DYSF: variants seen among roughly 807,000 people sequenced by gnomAD.
DYSF encodes dysferlin.
DYSF carries 212 observed loss-of-function variants against 274.9 expected under a neutral mutation model. The ratio of observed to expected loss-of-function variants is 0.77; its 90% CI spans 0.69 to 0.86. The LOEUF (loss-of-function observed/expected upper bound fraction) is 0.86. Among genes scored for constraint, DYSF ranks in the 40% least tolerant of loss-of-function variants. DYSF has a pLI of 0.00. For synonymous variants in DYSF, 1,091 were observed against 1,078.7 expected (o/e 1.01, Z -0.22); for missense variants, 2,666 against 2,783.2 (o/e 0.96, Z 0.95).
intron 1 of DYSF, among the ~76,000 whole-genome samples, chr2:71,469,562 T>TATGG (rs1467278533): frequency 1.3e-5 from 2 of 152,198 alleles, no homozygotes; most frequent in African/African-American, 4.8e-5. Context: ...GCCTGAAATG[T>TATGG]ATGGGGCTGG....
intron 1 of DYSF, among the ~76,000 whole-genome samples, chr2:71,461,509 T>C (rs1476528965): frequency 1.3e-5 from 2 of 152,218 alleles, no homozygotes; most frequent in South Asian, 4.1e-4. Context: ...GCCTTGCCCT[T>C]TGGCCCGAGG....
At chr2:71,538,824 C>G (rs2089641874) in intron 16 of DYSF, among the ~76,000 whole-genome samples, 1 of 152,148 alleles carries the variant, frequency 6.6e-6, no homozygotes, top group African/African-American at 2.4e-5. Flanking sequence ...AGTCCCTGGC[C>G]CTGCCTCCTT....
At chr2:71,470,673 CAAAAAAAAAAAAA>C (rs776955310) in intron 1 of DYSF, among the ~76,000 whole-genome samples, 1 of 57,704 alleles carries the variant, frequency 1.7e-5, no homozygotes, top group African/African-American at 8.2e-5. Context: ...GACTCCATCT[CAAAAAAAAAAAAA>C]AAAAAAAGAA....
intron 3 of DYSF, among the ~76,000 whole-genome samples, chr2:71,492,477 A>G (rs1006696390): frequency 9.2e-5 from 14 of 152,192 alleles, no homozygotes; most frequent in Non-Finnish European, 1.5e-5. Context: ...CGCAATACAT[A>G]TATAGTTTTA....
intron 16 of DYSF, among the ~76,000 whole-genome samples, 199 bp from the exon 17 acceptor site, chr2:71,538,958 T>A (rs1438581620): frequency 6.6e-6 from 1 of 151,880 alleles, no homozygotes; most frequent in African/African-American, 2.4e-5. Flanking sequence ...TCTCAGAGAG[T>A]CTTGGGCAAA....
intron 53 of DYSF, among the ~76,000 whole-genome samples, chr2:71,679,806 A>G (rs1018798146): frequency 2.0e-5 from 3 of 152,240 alleles, no homozygotes; most frequent in Non-Finnish European, 2.9e-5. Context: ...GGTAACAATA[A>G]GAAATACTAG....
intron 4 of DYSF, among the ~76,000 whole-genome samples, chr2:71,510,891 G>A (rs955111788): frequency 3.9e-5 from 6 of 152,260 alleles, no homozygotes; most frequent in African/African-American, 1.4e-4. Context: ...GAACTGGAAT[G>A]TGGAGTCACG....
Position 71,635,520 on chromosome 2 carries a change from G to C in DYSF, c.4528-8445G>C, listed in dbSNP as rs540165316. Reference sequence around the variant, plus strand: ...CCCAGCACTTTGGGAGGCAGAGGCGGGTGGATCATGTGAGGCCAGGAGTTT... The same window carrying C: ...CCCAGCACTTTGGGAGGCAGAGGCGCGTGGATCATGTGAGGCCAGGAGTTT... On this transcript the variant is annotated intron_variant, in intron 41 of 55. Coordinates refer to ENST00000410020, the MANE Select transcript of DYSF (RefSeq NM_001130987.2). Among the ~76,000 whole-genome samples the C allele has an allele frequency of 2.0e-5, 3 of 152,278 alleles. No individual in the cohort carries two copies. In the South Asian group the frequency reaches 6.2e-4, roughly 32 times the overall value.
chr2:71,462,188 G>A (rs1373156590), upstream of DYSF, among the ~76,000 whole-genome samples: 3 of 152,222 alleles, frequency 2.0e-5, no homozygotes, highest in Non-Finnish European at 4.4e-5. Flanking sequence ...TGAACAGCAA[G>A]GGGTGTGTGA....
intron 13 of DYSF, 59 bp downstream of exon 13, chr2:71,526,405 T>TGGGTGGGG: frequency 5.4e-6 from 2 of 370,356 alleles, no homozygotes; most frequent in Non-Finnish European, 7.7e-6. Context: ...GCAGGGCTGG[T>TGGGTGGGG]GGGGGTGGGC....
In DYSF at chr2:71,664,259, C is replaced by T; in HGVS notation, c.5004-9C>T. ...GTTGGCTGACATCGGGAATCTGCCC[C>T]TCCTGCAGGATGTTCGAGCTGACCT... On this transcript the variant is annotated splice_polypyrimidine_tract_variant and intron_variant, in intron 45 of 55. Transcript: ENST00000410020. 1.2e-6 allele frequency: 2 copies of T among 1,613,970 alleles called. No homozygotes were observed. The highest frequency in any genetic ancestry group is 1.1e-5 in the South Asian group (1 of 91,058).
rs189672409 is a variant in DYSF, at chr2:71,659,081, A to C, written c.4911+48A>C. On this transcript the variant is annotated intron_variant, in intron 44 of 55. Coordinates refer to ENST00000410020, the MANE Select transcript of DYSF (RefSeq NM_001130987.2). ...CTCCCCCAGAGTAGCAGGCTCAGGT[A>C]CAAGTGGCCTATAGAACCTGGACAC... The C allele has an allele frequency of 1.1e-3, 1,804 of 1,613,008 alleles. 14 individuals carry two copies. The highest frequency in any genetic ancestry group is 7.0e-5 in the Non-Finnish European group (83 of 1,179,124).
At chr2:71,551,436 A>G (rs1289248744) in intron 18 of DYSF, among the ~76,000 whole-genome samples, 171 bp from the exon 19 acceptor site, 1 of 152,114 alleles carries the variant, frequency 6.6e-6, no homozygotes, top group Non-Finnish European at 1.5e-5. Context: ...GGCTTGTCAT[A>G]TCCCCCGAAC....
intron 32 of DYSF, among the ~76,000 whole-genome samples, chr2:71,594,514 C>T (rs1319347504): frequency 3.9e-5 from 6 of 152,138 alleles, no homozygotes. Flanking sequence ...ACCCACCACT[C>T]AAAGAACACA....
intron 41 of DYSF, 152 bp from the exon 42 acceptor site, chr2:71,643,813 C>G: frequency 1.4e-6 from 1 of 708,216 alleles, no homozygotes; most frequent in Non-Finnish European, 2.6e-6. Flanking sequence ...CCAGGAGAGG[C>G]GGAGGTTTCC....
At chr2:71,482,051 C>T (rs2082958708) in intron 3 of DYSF, 81 bp downstream of exon 3, 1 of 1,153,876 alleles carries the variant, frequency 8.7e-7, no homozygotes, top group Non-Finnish European at 1.3e-6. Context: ...GAATCCCAGG[C>T]CCCAGGGAGC....
At chr2:71,482,696 G>C (rs1444135058) in intron 3 of DYSF, among the ~76,000 whole-genome samples, 1 of 152,146 alleles carries the variant, frequency 6.6e-6, no homozygotes, top group African/African-American at 2.4e-5. Flanking sequence ...TCTTGGACTG[G>C]GGCTGTGGGT....
chr2:71,485,208 T>C (rs1184493044), intron 3 of DYSF, among the ~76,000 whole-genome samples: 6 of 152,228 alleles, frequency 3.9e-5, no homozygotes, highest in Non-Finnish European at 8.8e-5. Context: ...CATAAATACT[T>C]GAGGACTCTC....
At chr2:71,583,045 A>C (rs988231475) in intron 30 of DYSF, among the ~76,000 whole-genome samples, 2 of 79,842 alleles carry the variant, frequency 2.5e-5, no homozygotes, top group East Asian at 3.6e-4. Context: ...CTCCATCTCA[A>C]AAAAAAAAAA....
Sources: gnomAD v4.1 joint callset for allele counts (sites outside exome capture counted in the v4.1 genomes callset) on GRCh38, gnomAD v4.1.1 for gene constraint, MANE v1.5 for transcripts, NCBI Gene and HGNC (gene_info 2026-07-23, HGNC 2026-07-21) for gene names.